ADAMTSL1: variants seen among roughly 807,000 people sequenced by gnomAD.
ADAMTSL1 encodes ADAMTS like 1.
A neutral mutation model predicts 201.8 loss-of-function variants in ADAMTSL1; 126 were observed. That is an observed-to-expected ratio of 0.62 (90% CI 0.54 to 0.72). ADAMTSL1 has a LOEUF of 0.72. Ranked by LOEUF, ADAMTSL1 falls within the 30% of genes least tolerant of loss-of-function variation. The pLI is 0.00. For synonymous variants in ADAMTSL1, 1,121 were observed against 903.4 expected (o/e 1.24, Z -4.32); for missense variants, 2,679 against 2,277.8 (o/e 1.18, Z -3.59).
At chr9:18,290,754 A>T (rs1020399460) in intron 2 of ADAMTSL1, among the ~76,000 whole-genome samples, 8 of 149,906 alleles carry the variant, frequency 5.3e-5, no homozygotes, top group African/African-American at 1.7e-4. Context: ...GTAAGGGCTC[A>T]GGGTTGAAAG....
intron 3 of ADAMTSL1, among the ~76,000 whole-genome samples, chr9:18,563,548 A>C (rs1351613902): frequency 6.6e-6 from 1 of 152,216 alleles, no homozygotes; most frequent in African/African-American, 2.4e-5. Flanking sequence ...CTGTGCTGGG[A>C]GATCTGCTGT....
At chr9:18,556,426 C>G (rs1288237271) in intron 3 of ADAMTSL1, among the ~76,000 whole-genome samples, 1 of 151,972 alleles carries the variant, frequency 6.6e-6, no homozygotes, top group African/African-American at 2.4e-5. Flanking sequence ...AAATCTTACT[C>G]TAGATGACTT....
chr9:18,606,103 G>A (rs1267106979), intron 4 of ADAMTSL1, among the ~76,000 whole-genome samples: 6 of 152,112 alleles, frequency 3.9e-5, no homozygotes, highest in African/African-American at 1.4e-4. Context: ...CGAGCTGTTT[G>A]GGCTGAGTTC....
intron 2 of ADAMTSL1, among the ~76,000 whole-genome samples, chr9:18,165,199 A>G (rs1827580429): frequency 6.6e-6 from 1 of 151,774 alleles, no homozygotes; most frequent in South Asian, 2.1e-4. Flanking sequence ...TTATATCTTA[A>G]TTTTGTCCCA....
intron 2 of ADAMTSL1, among the ~76,000 whole-genome samples, chr9:18,314,586 C>G (rs1175430139): frequency 6.6e-6 from 1 of 151,720 alleles, no homozygotes; most frequent in East Asian, 1.9e-4. Flanking sequence ...GTTGTTCATC[C>G]CTCCCAGTGG....
At chr9:18,698,593 C>T (rs1365300283) in intron 13 of ADAMTSL1, among the ~76,000 whole-genome samples, 1 of 152,144 alleles carries the variant, frequency 6.6e-6, no homozygotes, top group African/African-American at 2.4e-5. Context: ...GACTGTGCCA[C>T]TGCACTCAGC....
intron 2 of ADAMTSL1, among the ~76,000 whole-genome samples, chr9:18,388,552 GC>G (rs1837902016): frequency 1.3e-5 from 2 of 151,628 alleles, no homozygotes; most frequent in East Asian, 3.9e-4. Context: ...GGGATTACAG[GC>G]CTGAGCCACC....
intron 1 of ADAMTSL1, among the ~76,000 whole-genome samples, chr9:17,963,870 C>T (rs978704822): frequency 1.3e-5 from 2 of 152,126 alleles, no homozygotes; most frequent in Non-Finnish European, 2.9e-5. Flanking sequence ...TTTTTAAAAA[C>T]GGAATCCTCA....
chr9:18,839,393 A>G (rs2131309165), intron 23 of ADAMTSL1, among the ~76,000 whole-genome samples: 1 of 152,140 alleles, frequency 6.6e-6, no homozygotes, highest in East Asian at 1.9e-4. Flanking sequence ...ATAGTATTCC[A>G]TGGTGTATAT....
chr9:18,346,757 A>C (rs12115643), intron 2 of ADAMTSL1, among the ~76,000 whole-genome samples: 2,690 of 152,276 alleles, frequency 0.018, 82 homozygotes, highest in African/African-American at 0.062. Context: ...CCGCTAATTA[A>C]CAAGAAAACA....
Position 18,828,666 on chromosome 9 carries a change from A to T in ADAMTSL1, c.4115-1177A>T, listed in dbSNP as rs1258247817. 1.5e-3 allele frequency among the ~76,000 whole-genome samples: 115 copies of T among 75,510 alleles called. 5 individuals are homozygous for T. Among genetic ancestry groups the T allele is most frequent in the African/African-American group, 6.8e-3 (102 of 14,944 alleles). 49.5% of individuals were successfully genotyped at this position (75,510 alleles called of 152,430 possible). On this transcript the variant is annotated intron_variant, in intron 22 of 28. Transcript: ENST00000380548. ...GATTCTTTTGAAAGTATATTTATATATATATATATATATATATATATATAT... is the reference window on the plus strand; with the variant it reads ...GATTCTTTTGAAAGTATATTTATATTTATATATATATATATATATATATAT...
upstream of ADAMTSL1, chr9:18,474,074 A>G: frequency 2.4e-6 from 1 of 410,556 alleles, no homozygotes; most frequent in Non-Finnish European, 4.6e-6. Context: ...CCCCCCACCC[A>G]TCCACCCACC....
intron 1 of ADAMTSL1, among the ~76,000 whole-genome samples, chr9:18,501,107 T>A (rs564123756): frequency 6.6e-6 from 1 of 152,240 alleles, no homozygotes; most frequent in Non-Finnish European, 1.5e-5. Flanking sequence ...CGACCCATTA[T>A]CTACTCTTTA....
chr9:17,919,327 T>C (rs1563894970), intron 1 of ADAMTSL1, among the ~76,000 whole-genome samples: 1 of 151,970 alleles, frequency 6.6e-6, no homozygotes, highest in African/African-American at 2.4e-5. Context: ...TTAAAGTACA[T>C]GTTGCTATTG....
intron 13 of ADAMTSL1, among the ~76,000 whole-genome samples, chr9:18,692,769 A>G (rs1481071680): frequency 6.6e-6 from 1 of 152,238 alleles, no homozygotes; most frequent in Non-Finnish European, 1.5e-5. Context: ...TTATGCATTT[A>G]AACTACATTC....
At chr9:18,766,203 G>C (rs1259996634) in intron 16 of ADAMTSL1, among the ~76,000 whole-genome samples, 1 of 152,180 alleles carries the variant, frequency 6.6e-6, no homozygotes, top group African/African-American at 2.4e-5. Context: ...ATAAATTTAT[G>C]TGGAATGAAT....
chr9:18,518,058 C>G (rs575415498), intron 2 of ADAMTSL1, among the ~76,000 whole-genome samples: 1 of 152,214 alleles, frequency 6.6e-6, no homozygotes, highest in South Asian at 2.1e-4. Context: ...TTGTAAAGCA[C>G]TAACAGTACA....
intron 17 of ADAMTSL1, among the ~76,000 whole-genome samples, chr9:18,773,605 C>A (rs529222498): frequency 6.6e-6 from 1 of 152,296 alleles, no homozygotes; most frequent in South Asian, 2.1e-4. Flanking sequence ...GGCTGGGTCT[C>A]CTCATCACCT....
intron 2 of ADAMTSL1, among the ~76,000 whole-genome samples, chr9:18,530,603 C>A (rs1219625010): frequency 2.0e-5 from 3 of 152,038 alleles, no homozygotes; most frequent in African/African-American, 7.2e-5. Flanking sequence ...TGCCTCTATG[C>A]CTTTGCTTAG....
Sources: gnomAD v4.1 joint callset for allele counts (sites outside exome capture counted in the v4.1 genomes callset) on GRCh38, gnomAD v4.1.1 for gene constraint, MANE v1.5 for transcripts, NCBI Gene and HGNC (gene_info 2026-07-23, HGNC 2026-07-21) for gene names.